LAMA2: variants seen among roughly 807,000 people sequenced by gnomAD.
LAMA2 encodes the protein laminin subunit alpha 2, also known as laminin subunit alpha-2.
In LAMA2, 269 loss-of-function variants were observed where a neutral mutation model predicts 364.8. That is an observed-to-expected ratio of 0.74 (90% confidence interval 0.67 to 0.82). The LOEUF is 0.82. Among genes scored for constraint, LAMA2 ranks in the 40% least tolerant of loss-of-function variants. LAMA2 has a pLI of 0.00. For missense variants in LAMA2, 3,807 were observed against 3,873.2 expected, an observed-to-expected ratio of 0.98 and a Z score of 0.45; for synonymous variants, 1,379 against 1,370.6, an observed-to-expected ratio of 1.01 and a Z score of -0.14.
At chr6:129,465,769 A>G (rs1783511799) in intron 51 of LAMA2, among the ~76,000 whole-genome samples, 1 of 151,984 alleles carries the variant, frequency 6.6e-6, no homozygotes, top group Non-Finnish European at 1.5e-5. Context: ...GGGACATTTT[A>G]AAACACTTTC....
intron 39 of LAMA2, among the ~76,000 whole-genome samples, chr6:129,403,403 CCTT>C: frequency 6.6e-6 from 1 of 152,282 alleles, no homozygotes; most frequent in South Asian, 2.1e-4. Flanking sequence ...GGCCATTTAA[CCTT>C]CTGAAATTCA....
At chr6:129,300,684 C>A in intron 21 of LAMA2, 52 bp from the exon 22 acceptor site, 1 of 1,591,186 alleles carries the variant, frequency 6.3e-7, no homozygotes, top group South Asian at 1.1e-5. Context: ...CACTTTGTGT[C>A]AAATTTTTAC....
intron 52 of LAMA2, among the ~76,000 whole-genome samples, 162 bp downstream of exon 52, chr6:129,473,514 A>G (rs1471738951): frequency 6.6e-6 from 1 of 152,070 alleles, no homozygotes; most frequent in East Asian, 1.9e-4. Context: ...CAACACCAGG[A>G]TTTAGAAACC....
In LAMA2 at chr6:129,514,559, G is replaced by A. The variant is rs200255425; in HGVS notation, c.9175G>A (p.Asp3059Asn). ...CCCAAACCCAGCATCTACATCAGCT[G>A]ACACAAATGACCCTGTGTTTGTTGG... ...QSPNPASTSA[D>N]TNDPVFVGGF... The change falls in exon 64 of 65, where the codon GAC becomes AAC. Residue 3059 changes from aspartate to asparagine, a missense_variant. Coordinates refer to ENST00000421865, the MANE Select transcript of LAMA2 (RefSeq NM_000426.4). The A allele has an allele frequency of 6.2e-7, 1 of 1,614,128 alleles. No homozygotes were observed. Among genetic ancestry groups the A allele is most frequent in the Non-Finnish European group, 8.5e-7 (1 of 1,180,008 alleles).
chr6:129,281,360 T>G (rs1253205645), intron 18 of LAMA2, among the ~76,000 whole-genome samples: 1 of 152,126 alleles, frequency 6.6e-6, no homozygotes, highest in African/African-American at 2.4e-5. Context: ...AACTGGAAAA[T>G]GACAGCTGCT....
At chr6:129,373,213 C>T (rs1004044748) in intron 34 of LAMA2, among the ~76,000 whole-genome samples, 7 of 152,260 alleles carry the variant, frequency 4.6e-5, no homozygotes, top group African/African-American at 1.7e-4. Context: ...TTGCCATATC[C>T]ACGGTCATCT....
At chr6:128,924,211 T>TAC (rs200425996) in intron 1 of LAMA2, among the ~76,000 whole-genome samples, 58 of 151,920 alleles carry the variant, frequency 3.8e-4, no homozygotes, top group Admixed American at 1.8e-3. Flanking sequence ...CATATATATA[T>TAC]ACACACACAC....
intron 1 of LAMA2, among the ~76,000 whole-genome samples, chr6:128,912,651 A>T (rs890694441): frequency 6.6e-6 from 1 of 152,240 alleles, no homozygotes; most frequent in Non-Finnish European, 1.5e-5. Context: ...TTTAAACTCC[A>T]AATACAAAGA....
At chr6:128,903,271 C>T (rs932326067) in intron 1 of LAMA2, among the ~76,000 whole-genome samples, 4 of 152,162 alleles carry the variant, frequency 2.6e-5, no homozygotes. Context: ...TACTTCACTA[C>T]AAATGGAATT....
intron 32 of LAMA2, among the ~76,000 whole-genome samples, chr6:129,365,680 T>TC (rs1777728517): frequency 6.6e-6 from 1 of 151,902 alleles, no homozygotes; most frequent in Non-Finnish European, 1.5e-5. Context: ...GACTTTTTTT[T>TC]TTTTTAATTA....
intron 32 of LAMA2, among the ~76,000 whole-genome samples, chr6:129,360,268 C>T (rs1394625688): frequency 6.6e-6 from 1 of 152,196 alleles, no homozygotes; most frequent in East Asian, 1.9e-4. Context: ...TGTCTCTACA[C>T]ACTCTTCAGA....
intron 40 of LAMA2, among the ~76,000 whole-genome samples, chr6:129,418,771 A>C (rs1388571714): frequency 6.6e-6 from 1 of 152,138 alleles, no homozygotes; most frequent in African/African-American, 2.4e-5. Context: ...ATGCCTTTTC[A>C]AGAAACACTG....
At position 129,393,095 on chromosome 6, in the gene LAMA2, G is replaced by C. The variant is rs138296015; in HGVS notation, c.5285G>C (p.Arg1762Pro). 3.1e-6 allele frequency: 5 copies of C among 1,613,476 alleles called. No homozygotes were observed. The highest frequency in any genetic ancestry group is 2.7e-5 in the African/African-American group (2 of 74,868). Residue 1762 changes from arginine (R) to proline (P), a missense_variant, in exon 37 of 65, where the codon CGG becomes CCG. By Grantham distance (103) the Arg-to-Pro change is moderately radical. Transcript: ENST00000421865. ...KKVKKLFGES[R>P]GENEEMEKDL... ...GTGAAGAAGCTGTTTGGAGAGTCCCGGGGGGAAAATGAAGAAATGGAGAAG... is the reference window on the plus strand; with the variant it reads ...GTGAAGAAGCTGTTTGGAGAGTCCCCGGGGGAAAATGAAGAAATGGAGAAG...
At chr6:129,498,525 T>TC (rs1785372289) in intron 58 of LAMA2, among the ~76,000 whole-genome samples, 1 of 152,212 alleles carries the variant, frequency 6.6e-6, no homozygotes, top group South Asian at 2.1e-4. Context: ...TAATTCAGTT[T>TC]CTCAATAAAC....
Position 129,516,450 on chromosome 6 carries a change from A to T in LAMA2, c.*103A>T. 2 of 1,170,444 alleles carry T rather than the reference A, an allele frequency of 1.7e-6. No individual in the cohort carries two copies. The highest frequency in any genetic ancestry group is 2.5e-6 in the Non-Finnish European group (2 of 802,252). 72.5% of individuals were successfully genotyped at this position (1,170,444 alleles called of 1,614,324 possible). On this transcript the variant is annotated 3_prime_UTR_variant, in exon 65 of 65. Transcript: ENST00000421865. The stretch of plus-strand genomic sequence containing the variant: ...ATATGTTAATTAAACTAATTTGTGC[A>T]TGTACATAGAATTCTTTCTGTATTC...
intron 2 of LAMA2, among the ~76,000 whole-genome samples, chr6:129,051,693 GATCGATCTATAGATATCTAT>G (rs1788044581): frequency 3.4e-5 from 4 of 117,316 alleles, no homozygotes; most frequent in African/African-American, 8.6e-5. Context: ...TATATCTATA[GATCGATCTATAGATATCTAT>G]ATCTATAGAT....
intron 14 of LAMA2, among the ~76,000 whole-genome samples, chr6:129,257,173 G>A (rs556390332): frequency 6.6e-6 from 1 of 151,886 alleles, no homozygotes; most frequent in Non-Finnish European, 1.5e-5. Context: ...TTAAATGAAT[G>A]CAGCTTGATA....
intron 17 of LAMA2, among the ~76,000 whole-genome samples, chr6:129,272,770 C>T (rs1788032000): frequency 6.6e-6 from 1 of 152,142 alleles, no homozygotes; most frequent in Non-Finnish European, 1.5e-5. Flanking sequence ...CCTAACAGAT[C>T]AGGCAGGCAT....
At chr6:128,883,778 A>G (rs909456712) in intron 1 of LAMA2, among the ~76,000 whole-genome samples, 6 of 148,740 alleles carry the variant, frequency 4.0e-5, no homozygotes, top group East Asian at 1.9e-4. Context: ...TGATGCATCA[A>G]AAAAAAATTA....
Sources: gnomAD v4.1 joint callset for allele counts (sites outside exome capture counted in the v4.1 genomes callset) on GRCh38, gnomAD v4.1.1 for gene constraint, MANE v1.5 for transcripts, NCBI Gene and HGNC (gene_info 2026-07-23, HGNC 2026-07-21) for gene names.